Variants in KRT73 observed in about 807,000 individuals in gnomAD.
The protein encoded by KRT73 is keratin 73.
KRT73 carries 44 observed loss-of-function variants against 47.2 expected under a neutral mutation model. The ratio of observed to expected loss-of-function variants is 0.93; its 90% CI spans 0.73 to 1.20. The LOEUF (loss-of-function observed/expected upper bound fraction) is 1.20, where lower values mean the gene tolerates loss of function less well. KRT73 is among the 50% of genes most tolerant of loss of function. KRT73 has a pLI of 0.00. For missense variants in KRT73, 713 were observed against 704.5 expected, an observed-to-expected ratio of 1.01 and a Z score of -0.14; for synonymous variants, 285 against 291.3, an observed-to-expected ratio of 0.98 and a Z score of 0.22.
intron 5 of KRT73, 122 bp downstream of exon 5, chr12:52,613,566 C>T (rs566460029): frequency 1.8e-5 from 28 of 1,520,764 alleles, no homozygotes; most frequent in Non-Finnish European, 2.4e-5. Flanking sequence ...TCCCCCAGTG[C>T]CCAGGAGAGT....
At position 52,618,535 on chromosome 12, in the gene KRT73, C is replaced by A; in HGVS notation, c.-11G>T. Reference sequence around the variant, plus strand: ...GAATTGGCGGCTCATGGTGGGGAGGCCAGAAAGTGGGGATAAGATGCTGAC... The same window carrying A: ...GAATTGGCGGCTCATGGTGGGGAGGACAGAAAGTGGGGATAAGATGCTGAC... On this transcript the variant is annotated 5_prime_UTR_variant, in exon 1 of 9. Transcript: ENST00000305748. 1 of 1,585,522 alleles carries A rather than the reference C, an allele frequency of 6.3e-7. No homozygotes were observed. The highest frequency in any genetic ancestry group is 8.6e-7 in the Non-Finnish European group (1 of 1,166,400).
upstream of KRT73, among the ~76,000 whole-genome samples, chr12:52,618,759 G>A (rs996477764): frequency 6.6e-6 from 1 of 152,182 alleles, no homozygotes; most frequent in Non-Finnish European, 1.5e-5. Flanking sequence ...CATGTAATTT[G>A]AGTTTTATCT....
At position 52,609,231 on chromosome 12, in the gene KRT73, G is replaced by C. The variant is rs771803226; in HGVS notation, c.1366+16C>G. 3.2e-5 allele frequency: 52 copies of C among 1,610,150 alleles called. No individual in the cohort carries two copies. The highest frequency in any genetic ancestry group is 3.8e-5 in the Non-Finnish European group (45 of 1,176,544). On this transcript the variant is annotated intron_variant, in intron 8 of 8. Coordinates refer to ENST00000305748, the MANE Select transcript of KRT73 (RefSeq NM_175068.3). The stretch of plus-strand genomic sequence containing the variant: ...GATGGACTAAAAGTATTCCCTCAGA[G>C]TCATGAAATACTCACAAATGCTCAC...
At chr12:52,615,875 G>T (rs930093075) in intron 2 of KRT73, among the ~76,000 whole-genome samples, 9 of 152,164 alleles carry the variant, frequency 5.9e-5, no homozygotes, top group African/African-American at 9.7e-5. Flanking sequence ...GAACTCAGGG[G>T]CACAGTGGTG....
intron 4 of KRT73, chr12:52,614,225 T>G (rs1592243986): frequency 3.0e-6 from 1 of 336,308 alleles, no homozygotes; most frequent in Non-Finnish European, 5.4e-6. Context: ...GCAGAAGGGG[T>G]ATGAGGACTT....
chr12:52,629,219 G>T, the KRT73 span, among the ~76,000 whole-genome samples: 1 of 152,136 alleles, frequency 6.6e-6, no homozygotes, highest in Non-Finnish European at 1.5e-5. Flanking sequence ...CCACAGCTGT[G>T]GGGAGACAGC....
At chr12:52,621,212 G>A (rs1222893719), upstream of KRT73, among the ~76,000 whole-genome samples, 1 of 149,138 alleles carries the variant, frequency 6.7e-6, no homozygotes, top group African/African-American at 2.5e-5. Flanking sequence ...ACTTCCCACA[G>A]TGGGGCTGTC....
Position 52,618,276 on chromosome 12 carries a change from G to T in KRT73, c.249C>A (p.Gly83=). The change falls in exon 1 of 9, where the codon GGC becomes GGA. Residue 83 remains glycine, a synonymous_variant. Coordinates refer to ENST00000305748, the MANE Select transcript of KRT73 (RefSeq NM_175068.3). ...FGRGRASGFA[G]SMFGSVALGS... is the part of the protein sequence containing the mutation. ...CCAAGGCCACACTGCCAAACATGCT[G>T]CCAGCAAAGCCACTGGCCCGGCCCC... 1 of 1,614,190 alleles carries T rather than the reference G, an allele frequency of 6.2e-7. No homozygotes were observed. Among genetic ancestry groups the T allele is most frequent in the South Asian group, 1.1e-5 (1 of 91,074 alleles).
At chr12:52,610,915 C>A in intron 6 of KRT73, 80 bp from the exon 7 acceptor site, 1 of 1,249,308 alleles carries the variant, frequency 8.0e-7, no homozygotes. Flanking sequence ...AATGGTTGAG[C>A]CCTCCTCTGT....
chr12:52,610,637 G>T lies in KRT73; in HGVS notation c.1309C>A (p.Leu437Met), dbSNP rs1213744569. ...CACCTGCACTCCTCGCCCTCCAGCA[G>T]CTTGCGGTAGGTGGCGATCTCAATA... ...LDIEIATYRKLLEGEECRMSG... is the reference protein window; with the variant it reads ...LDIEIATYRKMLEGEECRMSG... The change falls in exon 7 of 9, where the codon CTG becomes ATG. Residue 437 changes from leucine (L) to methionine (M), a missense_variant. Transcript: ENST00000305748. 6.8e-7 allele frequency: 1 copy of T among 1,475,382 alleles called. No homozygotes were observed. The highest frequency in any genetic ancestry group is 3.0e-5 in the East Asian group (1 of 32,966). 91.4% of individuals were successfully genotyped at this position (1,475,382 alleles called of 1,614,324 possible).
In KRT73 at chr12:52,609,279, A is replaced by G. The variant is rs1940646329; in HGVS notation, c.1334T>C (p.Met445Thr). Residue 445 changes from methionine to threonine, a missense_variant and splice_region_variant, in exon 8 of 9, where the codon ATG (methionine) becomes ACG (threonine). Coordinates refer to ENST00000305748, the MANE Select transcript of KRT73 (RefSeq NM_175068.3). ...CACGGAGTTGGTATATTCTCCGGAC[A>G]TCCTGCAAGAGAGAAAAGCACAGGA... is the stretch of plus-strand genomic sequence containing the variant. ...RKLLEGEECR[M>T]SGEYTNSVSI... 3.7e-6 allele frequency: 6 copies of G among 1,613,414 alleles called. No individual in the cohort carries two copies. The highest frequency in any genetic ancestry group is 4.2e-6 in the Non-Finnish European group (5 of 1,179,504).
At chr12:52,610,562 G>A (rs1372766855) in intron 7 of KRT73, 53 bp downstream of exon 7, 5 of 592,898 alleles carry the variant, frequency 8.4e-6, no homozygotes, top group East Asian at 1.3e-4. Flanking sequence ...CACACTCTGG[G>A]AAACTTTAAG....
intron 3 of KRT73, chr12:52,614,933 A>T: frequency 1.9e-6 from 1 of 524,834 alleles, no homozygotes; most frequent in Non-Finnish European, 3.4e-6. Flanking sequence ...TCAGCCAGTC[A>T]TTCAGCCAAC....
Position 52,614,672 on chromosome 12 carries a change from G to A in KRT73, c.726C>T (p.Asp242=), listed in dbSNP as rs115179423. ...CTTTGCTCGTGTAAGCTGCGTCCACGTCCTATGGAGAATCCAGATACCCCT... is the reference window on the plus strand; with the variant it reads ...CTTTGCTCGTGTAAGCTGCGTCCACATCCTATGGAGAATCCAGATACCCCT... The part of the protein sequence containing the change: ...AENEFVVLKK[D]VDAAYTSKVE... The change falls in exon 4 of 9, where the codon GAC becomes GAT. Residue 242 remains aspartate, a splice_region_variant and synonymous_variant. Coordinates refer to ENST00000305748, the MANE Select transcript of KRT73 (RefSeq NM_175068.3). 58 of 1,612,378 alleles carry A rather than the reference G, an allele frequency of 3.6e-5. No homozygotes were observed. The East Asian group carries it at 3.8e-4, about 11-fold the overall frequency.
chr12:52,613,398 G>T, intron 5 of KRT73: 1 of 291,260 alleles, frequency 3.4e-6, no homozygotes, highest in Non-Finnish European at 6.3e-6. Flanking sequence ...TCTGCCTCCA[G>T]GGAGTGGTTT....
At chr12:52,618,598 G>T, upstream of KRT73, 1 of 1,479,304 alleles carries the variant, frequency 6.8e-7, no homozygotes, top group South Asian at 1.3e-5. Context: ...TGTGATCCTG[G>T]GCTCCCACTT....
intron 5 of KRT73, among the ~76,000 whole-genome samples, chr12:52,611,889 G>A (rs1349871842): frequency 6.6e-6 from 1 of 152,156 alleles, no homozygotes; most frequent in African/African-American, 2.4e-5. Flanking sequence ...GAGGCCTTCC[G>A]TGATGCCCTG....
intron 1 of KRT73, 59 bp downstream of exon 1, chr12:52,618,019 G>A: frequency 1.3e-6 from 2 of 1,531,952 alleles, no homozygotes; most frequent in Non-Finnish European, 1.8e-6. Flanking sequence ...TAGGGCAGTG[G>A]CTCCCTCCTG....
At chr12:52,625,858 T>TAA in the KRT73 span, among the ~76,000 whole-genome samples, 266 of 149,580 alleles carry the variant, frequency 1.8e-3, no homozygotes, top group Middle Eastern at 0.017. Context: ...TTATACTGAG[T>TAA]AAAAAAAAAA....
Sources: allele counts gnomAD v4.1 joint callset (sites outside exome capture counted in the v4.1 genomes callset), GRCh38; gene constraint gnomAD v4.1.1; transcripts MANE v1.5; gene names NCBI Gene and HGNC (gene_info 2026-07-23, HGNC 2026-07-21).